The following FERMT3 variants were observed in gnomAD, a reference collection of about 807,000 sequenced individuals.
FERMT3 encodes the protein FERM domain containing kindlin 3, also known as fermitin family homolog 3.
Under a neutral mutation model 80.8 loss-of-function variants are expected in FERMT3, and 33 were observed. The ratio of observed to expected loss-of-function variants is 0.41; its 90% confidence interval spans 0.31 to 0.55. The LOEUF (loss-of-function observed/expected upper bound fraction) is 0.55, where lower values mean the gene tolerates loss of function less well. FERMT3 is among the 20% of genes least tolerant of loss of function. The pLI, the probability that FERMT3 is intolerant of heterozygous loss-of-function variation, is 0.31. For synonymous variants in FERMT3, 375 were observed against 372.2 expected (o/e 1.01, Z -0.09); for missense variants, 754 against 908.7 (o/e 0.83, Z 2.19).
Position 64,210,870 on chromosome 11 carries a change from G to T in FERMT3, c.394+26G>T. 6.2e-6 allele frequency: 10 copies of T among 1,609,672 alleles called. No homozygotes were observed. The highest frequency in any genetic ancestry group is 7.6e-6 in the Non-Finnish European group (9 of 1,179,784). ...GTAAGTTGCCCGGCTGATTCCCCTG[G>T]CCCACGAGGGTGATGCAAAGAGGCA... On this transcript the variant is annotated intron_variant, in intron 3 of 14. Coordinates refer to ENST00000345728, the MANE Select transcript of FERMT3 (RefSeq NM_031471.6). The surrounding 1 kb of genome is among the most constrained non-coding windows in gnomAD (Gnocchi z 4.3).
At chr11:64,209,876 C>T (rs1259286624) in intron 2 of FERMT3, among the ~76,000 whole-genome samples, 1 of 152,186 alleles carries the variant, frequency 6.6e-6, no homozygotes, top group Non-Finnish European at 1.5e-5. Flanking sequence ...TGTTCATGCT[C>T]CTGGAGGGAG....
At chr11:64,209,591 C>G (rs1338978190) in intron 2 of FERMT3, among the ~76,000 whole-genome samples, 1 of 152,180 alleles carries the variant, frequency 6.6e-6, no homozygotes, top group East Asian at 1.9e-4. Context: ...CGGCACACAG[C>G]CAGAGTCCCA....
intron 6 of FERMT3, among the ~76,000 whole-genome samples, chr11:64,216,518 C>T (rs1327185496): frequency 1.4e-5 from 2 of 138,382 alleles, no homozygotes; most frequent in Admixed American, 7.1e-5. Context: ...ATTTTTTCGC[C>T]GGGCGCGGTG....
In FERMT3 at chr11:64,219,498, C is replaced by T; in HGVS notation, c.895-26C>T. On this transcript the variant is annotated intron_variant, in intron 7 of 14. Transcript: ENST00000345728. The surrounding 1 kb of genome is among the most constrained non-coding windows in gnomAD (Gnocchi z 4.0). The stretch of plus-strand genomic sequence containing the variant: ...TAGGGGACCAGGCTGCTGGACTCAG[C>T]CCTCCCTGGCTTCATGACCACCTAG... 6.3e-7 allele frequency: 1 copy of T among 1,583,674 alleles called. No individual in the cohort carries two copies.
At position 64,221,018 on chromosome 11, in the gene FERMT3, C is replaced by A. The variant is rs777931977; in HGVS notation, c.1548C>A (p.Leu516=). The change falls in exon 13 of 15, where the codon CTC becomes CTA. Residue 516 remains leucine (L), a splice_region_variant and synonymous_variant. Coordinates refer to ENST00000345728, the MANE Select transcript of FERMT3 (RefSeq NM_031471.6). ...CCGTCACCAGTATGGTCCCGCAGCT[C>A]ACCCCACGGATCCTGGAAGCCCACC... ...RFQRKFKAKQ[L]TPRILEAHQN... 2 of 1,612,188 alleles carry A rather than the reference C, an allele frequency of 1.2e-6. No homozygotes were observed. The highest frequency in any genetic ancestry group is 1.7e-6 in the Non-Finnish European group (2 of 1,179,892).
intron 2 of FERMT3, among the ~76,000 whole-genome samples, chr11:64,209,964 A>C (rs1946400198): frequency 6.6e-6 from 1 of 152,152 alleles, no homozygotes; most frequent in Non-Finnish European, 1.5e-5. Flanking sequence ...GCACATCTCT[A>C]ATTCAATGCT....
intron 6 of FERMT3, among the ~76,000 whole-genome samples, chr11:64,213,757 T>C (rs1946492705): frequency 6.6e-6 from 1 of 150,994 alleles, no homozygotes; most frequent in African/African-American, 2.4e-5. Context: ...GGACGGGGTT[T>C]CTCCATGTTG....
intron 6 of FERMT3, among the ~76,000 whole-genome samples, chr11:64,215,204 G>A (rs559203157): frequency 5.9e-4 from 90 of 152,272 alleles, no homozygotes; most frequent in African/African-American, 2.0e-3. Flanking sequence ...CTGATTGCAC[G>A]ATGCCCATTT....
chr11:64,218,683 C>T (rs1358209284), intron 6 of FERMT3, among the ~76,000 whole-genome samples: 1 of 152,238 alleles, frequency 6.6e-6, no homozygotes, highest in African/African-American at 2.4e-5. Context: ...TGTTGGTCTT[C>T]TGTGGGTAAC....
chr11:64,220,246 G>A lies in FERMT3; in HGVS notation c.1231G>A (p.Val411Ile), dbSNP rs779562122. ...KGCEVVPDVN[V>I]SGQKFCIKLL... Reference sequence around the variant, plus strand: ...CTGTGAGGTGGTTCCCGATGTTAACGTCTCCGGCCAGAAGTTCTGCATTAA... The same window carrying A: ...CTGTGAGGTGGTTCCCGATGTTAACATCTCCGGCCAGAAGTTCTGCATTAA... The change falls in exon 11 of 15, where the codon GTC becomes ATC. Residue 411 changes from valine to isoleucine, a missense_variant. Val to Ile is a conservative substitution (Grantham distance 29). Transcript: ENST00000345728. 74 of 1,613,802 alleles carry A rather than the reference G, an allele frequency of 4.6e-5. No homozygotes were observed. The highest frequency in any genetic ancestry group is 5.8e-5 in the Non-Finnish European group (68 of 1,180,030).
chr11:64,215,920 C>T (rs1946540117), intron 6 of FERMT3, among the ~76,000 whole-genome samples: 2 of 151,824 alleles, frequency 1.3e-5, no homozygotes. Flanking sequence ...CAACCTCCGC[C>T]TCCCGGGTTC....
chr11:64,222,666 C>T (rs931514349), intron 13 of FERMT3, among the ~76,000 whole-genome samples: 6 of 151,756 alleles, frequency 4.0e-5, no homozygotes, highest in Non-Finnish European at 5.9e-5. Flanking sequence ...GGCCTGGGTT[C>T]GCCGGTCCGC....
In FERMT3 at chr11:64,210,475, C is replaced by T. The variant is rs80280955; in HGVS notation, c.161-136C>T. ...GTTACCATGGGGTAGACCCCAGGCC[C>T]GCCCAGGCTGCCCCACTCTTGGCTT... On this transcript the variant is annotated intron_variant, in intron 2 of 14. Transcript: ENST00000345728. The surrounding 1 kb of genome is among the most constrained non-coding windows in gnomAD (Gnocchi z 4.3). 60,896 of 873,248 alleles carry T rather than the reference C, an allele frequency of 0.07. 2,594 individuals are homozygous for T. The highest frequency in any genetic ancestry group is 0.14 in the Admixed American group (6,820 of 48,410). 54.1% of individuals were successfully genotyped at this position (873,248 alleles called of 1,614,324 possible).
At chr11:64,208,226 C>T (rs1407518979) in intron 2 of FERMT3, among the ~76,000 whole-genome samples, 1 of 152,160 alleles carries the variant, frequency 6.6e-6, no homozygotes, top group East Asian at 1.9e-4. Flanking sequence ...GGAGGTCAGT[C>T]CGACTGTGGA....
intron 6 of FERMT3, among the ~76,000 whole-genome samples, chr11:64,216,180 G>C (rs1946544658): frequency 6.7e-6 from 1 of 148,438 alleles, no homozygotes; most frequent in Non-Finnish European, 1.5e-5. Context: ...TGAGTGCAGT[G>C]CTTTAGCTCT....
In FERMT3 at chr11:64,222,111, C is replaced by A. The variant is rs191436632; in HGVS notation, c.1671-937C>A. The stretch of plus-strand genomic sequence containing the variant: ...AAAATTAGCCGAGTGTGGTGGCAGG[C>A]GCCTATAATCCCAGCTACTCGGGAG... On this transcript the variant is annotated intron_variant, in intron 13 of 14. Coordinates refer to ENST00000345728, the MANE Select transcript of FERMT3 (RefSeq NM_031471.6). 4.7e-5 allele frequency among the ~76,000 whole-genome samples: 7 copies of A among 150,046 alleles called. No individual in the cohort carries two copies. The East Asian group carries it at 1.2e-3, about 25-fold the overall frequency.
In FERMT3 at chr11:64,220,595, G is replaced by C. The variant is rs1203250020; in HGVS notation, c.1471G>C (p.Asp491His). 1 of 1,610,300 alleles carries C rather than the reference G, an allele frequency of 6.2e-7. No homozygotes were observed. Among genetic ancestry groups the C allele is most frequent in the African/African-American group, 1.3e-5 (1 of 74,978 alleles). ...GGPGNHPHGPDASAEGLNPYG... is the reference protein window; with the variant it reads ...GGPGNHPHGPHASAEGLNPYG... ...CCCGGGCAACCACCCCCACGGCCCT[G>C]ATGCCTCTGCCGAGGGCCTCAACCC... Residue 491 changes from aspartate to histidine, a missense_variant, in exon 12 of 15, where the codon GAT becomes CAT. Physicochemically the swap from Asp to His is moderately conservative, Grantham distance 81. Transcript: ENST00000345728.
At position 64,210,509 on chromosome 11, in the gene FERMT3, C is replaced by G; in HGVS notation, c.161-102C>G. 8.3e-7 allele frequency: 1 copy of G among 1,207,344 alleles called. No homozygotes were observed. Among genetic ancestry groups the G allele is most frequent in the Non-Finnish European group, 1.2e-6 (1 of 826,014 alleles). 74.8% of individuals were successfully genotyped at this position (1,207,344 alleles called of 1,614,324 possible). A position where few individuals can be genotyped will look rare whatever the true frequency, so the allele number is the denominator to read the frequency against. On this transcript the variant is annotated intron_variant, in intron 2 of 14. Transcript: ENST00000345728. The surrounding 1 kb of genome is among the most constrained non-coding windows in gnomAD (Gnocchi z 4.3). ...TGCCCCACTCTTGGCTTAGGCAGGG[C>G]AGGGGAGTGGTCGCCCCAGGCTTCT...
Position 64,210,604 on chromosome 11 carries a change from C to T in FERMT3, c.161-7C>T, listed in dbSNP as rs1946414042. 6.2e-7 allele frequency: 1 copy of T among 1,613,294 alleles called. No homozygotes were observed. Among genetic ancestry groups the T allele is most frequent in the Non-Finnish European group, 8.5e-7 (1 of 1,179,370 alleles). ...GTTGGACCCAGATGTGCCCCCGTGC[C>T]CCACAGATCGCAAGCAGGACTGGTC... On this transcript the variant is annotated splice_region_variant and splice_polypyrimidine_tract_variant and intron_variant, in intron 2 of 14. Transcript: ENST00000345728. The surrounding 1 kb of genome is among the most constrained non-coding windows in gnomAD (Gnocchi z 4.3).
Sources: gnomAD v4.1 joint callset for allele counts (sites outside exome capture counted in the v4.1 genomes callset) on GRCh38, gnomAD v4.1.1 for gene constraint, Gnocchi (gnomAD v3.1) non-coding constraint, MANE v1.5 for transcripts, NCBI Gene and HGNC (gene_info 2026-07-23, HGNC 2026-07-21) for gene names.